Variants in POLI observed in about 807,000 individuals in gnomAD.
POLI encodes RAD30 homolog B.
POLI carries 58 observed loss-of-function variants against 51.6 expected under a neutral mutation model. That is an observed-to-expected ratio of 1.12 (90% CI 0.91 to 1.40). POLI has a LOEUF of 1.40. Among genes scored for constraint, POLI ranks in the 40% most tolerant of loss-of-function variants. The pLI is 0.00. For missense variants in POLI, 921 were observed against 871.3 expected, an observed-to-expected ratio of 1.06 and a Z score of -0.72; for synonymous variants, 322 against 299.7, an observed-to-expected ratio of 1.07 and a Z score of -0.77.
chr18:54,316,757 A>G (rs1191139322), intron 3 of POLI, among the ~76,000 whole-genome samples: 1 of 152,184 alleles, frequency 6.6e-6, no homozygotes, highest in Non-Finnish European at 1.5e-5. Flanking sequence ...GTAAAAGGAA[A>G]AAAAAGCTGC....
chr18:54,282,912 C>T lies in POLI; in HGVS notation c.872C>T (p.Pro291Leu), dbSNP rs773001933. The T allele has an allele frequency of 1.3e-6, 2 of 1,597,024 alleles. No individual in the cohort carries two copies. Among genetic ancestry groups the T allele is most frequent in the Admixed American group, 1.7e-5 (1 of 57,836 alleles). ...GTGCGTGATCTCCAAACCTTTTCAC[C>T]CAAAATTTTAGAAAAAGAATTAGGA... ...NSVRDLQTFS[P>L]KILEKELGIS... Residue 291 changes from proline to leucine, a missense_variant, in exon 6 of 10, where the codon CCC becomes CTC. By Grantham distance (98) the Pro-to-Leu change is moderately conservative. Transcript: ENST00000579534.
rs1293643395 is a variant in POLI at position 54,280,743 on chromosome 18, G to C, written c.636G>C (p.Met212Ile). The C allele has an allele frequency of 3.1e-6, 5 of 1,613,900 alleles. No individual in the cohort carries two copies. The South Asian group carries it at 5.5e-5, about 18-fold the overall frequency. The change falls in exon 5 of 10, where the codon ATG becomes ATC. Residue 212 changes from methionine to isoleucine, a missense_variant. Met to Ile is a conservative substitution (Grantham distance 10, BLOSUM62 1). Transcript: ENST00000579534. ...TTGCAGCAGAGATGCGGGAAGCCATGTATAATCAGTTGGGGCTCACTGGCT... is the reference window on the plus strand; with the variant it reads ...TTGCAGCAGAGATGCGGGAAGCCATCTATAATCAGTTGGGGCTCACTGGCT... ...SQIAAEMREA[M>I]YNQLGLTGCA... is the part of the protein sequence containing the mutation.
intron 3 of POLI, among the ~76,000 whole-genome samples, chr18:54,315,915 T>C (rs1056668993): frequency 6.6e-6 from 1 of 151,792 alleles, no homozygotes; most frequent in Admixed American, 6.6e-5. Context: ...ACTTGACATT[T>C]TATGCATTTT....
chr18:54,287,216 T>C, intron 7 of POLI, 65 bp from the exon 8 acceptor site: 1 of 1,147,050 alleles, frequency 8.7e-7, no homozygotes, highest in Non-Finnish European at 1.3e-6. Context: ...ATAAATGAGA[T>C]GTTACATAAT....
chr18:54,306,890 A>G (rs2088595152), intron 3 of POLI, among the ~76,000 whole-genome samples: 1 of 152,086 alleles, frequency 6.6e-6, no homozygotes. Flanking sequence ...CTCTGATGGT[A>G]GTTTGTATTT....
intron 9 of POLI, among the ~76,000 whole-genome samples, chr18:54,293,157 TATATAA>T (rs974738081): frequency 7.9e-5 from 12 of 151,928 alleles, no homozygotes; most frequent in Admixed American, 2.6e-4. Flanking sequence ...ATTTTTATTT[TATATAA>T]ATATAAACTA....
intron 3 of POLI, among the ~76,000 whole-genome samples, chr18:54,314,418 T>C (rs1005412268): frequency 6.6e-6 from 1 of 152,312 alleles, no homozygotes; most frequent in Middle Eastern, 3.4e-3. Flanking sequence ...ATCAGCAATA[T>C]TGGCCTGAAG....
chr18:54,280,624 A>C, intron 4 of POLI, 43 bp from the exon 5 acceptor site: 1 of 1,309,172 alleles, frequency 7.6e-7, no homozygotes, highest in Non-Finnish European at 1.1e-6. Context: ...AAAAAGAAAA[A>C]GGTTTTTCTT....
rs971675768 is a variant in POLI at position 54,295,588 on chromosome 18, A to G, written c.*1121A>G. 3.8e-6 allele frequency: 3 copies of G among 783,930 alleles called. No homozygotes were observed. Among genetic ancestry groups the G allele is most frequent in the Non-Finnish European group, 4.6e-6 (3 of 646,780 alleles). 48.6% of individuals were successfully genotyped at this position (783,930 alleles called of 1,614,324 possible). A position where few individuals can be genotyped will look rare whatever the true frequency, so the allele number is the denominator to read the frequency against. On this transcript the variant is annotated 3_prime_UTR_variant, in exon 10 of 10. Transcript: ENST00000579534. ...AGTACACAAATATGAACCAAAGAGT[A>G]GCTTAAAAATACTTTCTTCTAGGTC...
chr18:54,308,559 C>G (rs2088624786), intron 3 of POLI, among the ~76,000 whole-genome samples: 1 of 145,006 alleles, frequency 6.9e-6, no homozygotes, highest in Admixed American at 6.9e-5. Flanking sequence ...AATTATGTGT[C>G]TTGGGGTTGC....
chr18:54,270,127 A>T, intron 1 of POLI: 1 of 711,326 alleles, frequency 1.4e-6, no homozygotes, highest in Non-Finnish European at 1.7e-6. Flanking sequence ...ACCCACTTCC[A>T]GCTCTGGTCT....
At chr18:54,281,368 C>T (rs1264993277) in intron 5 of POLI, among the ~76,000 whole-genome samples, 3 of 152,074 alleles carry the variant, frequency 2.0e-5, no homozygotes, top group South Asian at 2.1e-4. Context: ...ATGAGGAGTT[C>T]GGTGACCTAT....
rs1164827958 is a variant in POLI at position 54,289,704 on chromosome 18, C to T, written c.1199-2129C>T. Among the ~76,000 whole-genome samples, 3 of 151,700 alleles carry T rather than the reference C, an allele frequency of 2.0e-5. No homozygotes were observed. The East Asian group carries it at 5.8e-4, about 29-fold the overall frequency. The stretch of plus-strand genomic sequence containing the variant: ...CTACAACCATCTGATCTTTGACAGA[C>T]CTGACAGAAACAAGCAATGGGGAAA... On this transcript the variant is annotated intron_variant, in intron 8 of 9. Coordinates refer to ENST00000579534, the MANE Select transcript of POLI (RefSeq NM_007195.3).
At chr18:54,279,973 A>G (rs944820441) in intron 4 of POLI, among the ~76,000 whole-genome samples, 1 of 152,156 alleles carries the variant, frequency 6.6e-6, no homozygotes, top group Non-Finnish European at 1.5e-5. Context: ...GAATTTTTTT[A>G]TGAGATCAGT....
At chr18:54,292,615 T>G (rs2144590312) in intron 9 of POLI, among the ~76,000 whole-genome samples, 1 of 152,182 alleles carries the variant, frequency 6.6e-6, no homozygotes, top group Admixed American at 6.5e-5. Context: ...ATTTAGTAAA[T>G]GTGGGTTGCC....
chr18:54,277,108 C>T (rs568675468), intron 3 of POLI, among the ~76,000 whole-genome samples: 87 of 152,184 alleles, frequency 5.7e-4, no homozygotes, highest in Non-Finnish European at 8.4e-4. Context: ...TTGTGCTAGA[C>T]GCTGGGCATT....
At chr18:54,276,417 T>A (rs3730716) in intron 3 of POLI, among the ~76,000 whole-genome samples, 3 of 151,908 alleles carry the variant, frequency 2.0e-5, no homozygotes, top group Middle Eastern at 3.2e-3. Context: ...ATTTGTCCTG[T>A]GACCTAAAAT....
Position 54,297,637 on chromosome 18 carries a change from GT to G in POLI, c.*3174del. ...CCTCCTATCTTTTGGGATCAGTTGGGTTTTCTATTTAATCATATATTTTCCC... is the reference window on the plus strand; with the variant it reads ...CCTCCTATCTTTTGGGATCAGTTGGGTTTCTATTTAATCATATATTTTCCC... On this transcript the variant is annotated 3_prime_UTR_variant, in exon 10 of 10. Coordinates refer to ENST00000579534, the MANE Select transcript of POLI (RefSeq NM_007195.3). 1 of 980,836 alleles carries G rather than the reference GT, an allele frequency of 1.0e-6. No individual in the cohort carries two copies. Among genetic ancestry groups the G allele is most frequent in the Non-Finnish European group, 1.2e-6 (1 of 825,962 alleles). 60.8% of individuals were successfully genotyped at this position (980,836 alleles called of 1,614,324 possible).
intron 3 of POLI, among the ~76,000 whole-genome samples, chr18:54,305,824 T>C (rs1282358545): frequency 6.6e-6 from 1 of 152,102 alleles, no homozygotes; most frequent in African/African-American, 2.4e-5. Context: ...AGTGGTGCTA[T>C]CTCTGCTCAC....
Sources: allele counts gnomAD v4.1 joint callset (sites outside exome capture counted in the v4.1 genomes callset), GRCh38; gene constraint gnomAD v4.1.1; transcripts MANE v1.5; gene names NCBI Gene and HGNC (gene_info 2026-07-23, HGNC 2026-07-21).